VPS9D1: variants seen among roughly 807,000 people sequenced by gnomAD.
The protein encoded by VPS9D1 is VPS9 domain-containing protein 1.
VPS9D1 carries 78 observed loss-of-function variants against 75.8 expected under a neutral mutation model. That is an observed-to-expected ratio of 1.03 (90% CI 0.86 to 1.24). The LOEUF (loss-of-function observed/expected upper bound fraction) is 1.24. VPS9D1 is among the 50% of genes most tolerant of loss of function. The pLI, the probability that VPS9D1 is intolerant of heterozygous loss-of-function variation, is 0.00. For synonymous variants in VPS9D1, 481 were observed against 385.6 expected, an observed-to-expected ratio of 1.25 and a Z score of -2.90; for missense variants, 1,057 against 847.7, an observed-to-expected ratio of 1.25 and a Z score of -3.07.
At position 89,710,568 on chromosome 16, in the gene VPS9D1, GGGA is replaced by G. The variant is rs2060891969; in HGVS notation, c.1258+15_1258+17del. ...GTGAAGAGCTGCGGCGGCTCTCCCAGGGAGGGCCTGGCCTCACCTACGGCATTG... is the reference window on the plus strand; with the variant it reads ...GTGAAGAGCTGCGGCGGCTCTCCCAGGGGCCTGGCCTCACCTACGGCATTG... On this transcript the variant is annotated intron_variant, in intron 10 of 14. Coordinates refer to ENST00000389386, the MANE Select transcript of VPS9D1 (RefSeq NM_004913.3). 1 of 1,575,222 alleles carries G rather than the reference GGGA, an allele frequency of 6.3e-7. No individual in the cohort carries two copies. The highest frequency in any genetic ancestry group is 8.7e-7 in the Non-Finnish European group (1 of 1,153,776).
chr16:89,708,512 G>T lies in VPS9D1; in HGVS notation c.1717C>A (p.Pro573Thr). 1 of 1,613,076 alleles carries T rather than the reference G, an allele frequency of 6.2e-7. No homozygotes were observed. ...AAAIGADDLL[P>T]ILSFVVLRSG... is the part of the protein sequence containing the mutation. ...CTCAGCACCACGAAGGACAGGATGG[G>T]CAGCAGGTCATCGGCACCACTGTCG... is the stretch of plus-strand genomic sequence containing the variant. The change falls in exon 14 of 15, where the codon CCC becomes ACC. Residue 573 changes from proline to threonine, a missense_variant. By Grantham distance (38) the Pro-to-Thr change is conservative. Coordinates refer to ENST00000389386, the MANE Select transcript of VPS9D1 (RefSeq NM_004913.3).
chr16:89,709,227 C>G lies in VPS9D1; in HGVS notation c.1597G>C (p.Val533Leu). Residue 533 changes from valine to leucine, a missense_variant and splice_region_variant, in exon 12 of 15, where the codon GTG (valine) becomes CTG (leucine). Transcript: ENST00000389386. ...CCCCCTGACTCTCGAACCTGCTGAC[C>G]TATGCACTCCAGCTTCTTCTGGGGG... Reference protein sequence around the residue: ...SCPQKKLECIVRTLRIICVCA... With the variant: ...SCPQKKLECILRTLRIICVCA... 6.2e-7 allele frequency: 1 copy of G among 1,612,018 alleles called. No homozygotes were observed. The highest frequency in any genetic ancestry group is 8.5e-7 in the Non-Finnish European group (1 of 1,179,980).
rs1007655512 is a variant in VPS9D1, at chr16:89,708,518, G to A, written c.1711C>T (p.Leu571=). 12 of 1,612,912 alleles carry A rather than the reference G, an allele frequency of 7.4e-6. No homozygotes were observed. Among genetic ancestry groups the A allele is most frequent in the Non-Finnish European group, 1.0e-5 (12 of 1,179,862 alleles). ...ACCACGAAGGACAGGATGGGCAGCA[G>A]GTCATCGGCACCACTGTCGGGAGGG... The part of the protein sequence containing the change: ...IAAAAIGADD[L]LPILSFVVLR... Residue 571 remains leucine, a synonymous_variant, in exon 14 of 15, where the codon CTG becomes TTG. Coordinates refer to ENST00000389386, the MANE Select transcript of VPS9D1 (RefSeq NM_004913.3).
rs577605601 is a variant in VPS9D1, at chr16:89,718,096, C to G, written c.175+931G>C. The G allele has an allele frequency of 4.4e-5, 20 of 455,460 alleles. No individual in the cohort carries two copies. The Admixed American group carries it at 4.5e-4, about 10-fold the overall frequency. The allele number at this position is 455,460 out of a possible 1,614,324, so 28.2% of individuals were successfully genotyped here. A position where few individuals can be genotyped will look rare whatever the true frequency, so the allele number is the denominator to read the frequency against. ...TGTGCTCTATGTCCAGTGGCTCCCC[C>G]TGACCTCTGTGATCCTTTGTGCAGC... is the stretch of plus-strand genomic sequence containing the variant. On this transcript the variant is annotated intron_variant, in intron 2 of 14. Transcript: ENST00000389386.
Position 89,712,576 on chromosome 16 carries a change from C to T in VPS9D1, c.543+29G>A, listed in dbSNP as rs374354864. On this transcript the variant is annotated intron_variant, in intron 5 of 14. Transcript: ENST00000389386. ...CTCCCCTCTGCCCCGCGCCCACGCA[C>T]CCCCAGGCCCTCCCTAGCCCCCACT... is the stretch of plus-strand genomic sequence containing the variant. 6.0e-4 allele frequency: 965 copies of T among 1,608,240 alleles called. 11 individuals are homozygous for T. The South Asian group carries it at 8.8e-3, about 15-fold the overall frequency.
chr16:89,715,129 A>G (rs920164362), intron 4 of VPS9D1, among the ~76,000 whole-genome samples: 76 of 151,936 alleles, frequency 5.0e-4, no homozygotes, highest in Admixed American at 2.7e-3. Context: ...CTCTTCAGCT[A>G]TATCTGCTCT....
chr16:89,712,729 C>G lies in VPS9D1; in HGVS notation c.432-13G>C, dbSNP rs2060965321. The G allele has an allele frequency of 1.9e-6, 3 of 1,571,202 alleles. No homozygotes were observed. The East Asian group carries it at 6.8e-5, about 35-fold the overall frequency. On this transcript the variant is annotated splice_polypyrimidine_tract_variant and intron_variant, in intron 4 of 14. Transcript: ENST00000389386. Reference sequence around the variant, plus strand: ...TGGCGTCAGCTCTCTGGAAATGTGACAAGCTGCTGTCTAGACCCCAGGAAG... The same window carrying G: ...TGGCGTCAGCTCTCTGGAAATGTGAGAAGCTGCTGTCTAGACCCCAGGAAG...
At chr16:89,709,652 G>A in intron 11 of VPS9D1, 125 bp downstream of exon 11, 6 of 1,497,386 alleles carry the variant, frequency 4.0e-6, no homozygotes, top group South Asian at 1.2e-5. Flanking sequence ...CACAGGCTAG[G>A]GGGAGCAAAC....
At chr16:89,712,261 C>T (rs1415067195) in intron 6 of VPS9D1, 162 bp from the exon 7 acceptor site, 1 of 1,338,522 alleles carries the variant, frequency 7.5e-7, no homozygotes, top group Non-Finnish European at 1.0e-6. Context: ...GCGCTCAAGC[C>T]AGGAGGGCCG....
At chr16:89,715,124 C>T (rs2061029757) in intron 4 of VPS9D1, among the ~76,000 whole-genome samples, 1 of 152,054 alleles carries the variant, frequency 6.6e-6, no homozygotes, top group Non-Finnish European at 1.5e-5. Flanking sequence ...ATTTGCTCTT[C>T]AGCTATATCT....
Position 89,716,815 on chromosome 16 carries a change from C to T in VPS9D1, c.183G>A (p.Gly61=). The T allele has an allele frequency of 6.3e-7, 1 of 1,591,790 alleles. No homozygotes were observed. Among genetic ancestry groups the T allele is most frequent in the South Asian group, 1.1e-5 (1 of 88,284 alleles). Residue 61 remains glycine (G), a synonymous_variant, in exon 3 of 15, where the codon GGG becomes GGA. Coordinates refer to ENST00000389386, the MANE Select transcript of VPS9D1 (RefSeq NM_004913.3). ...TGGAGGTGTCGGGGGGCACAGTTTC[C>T]CCAGCTTCTGGGGGAGGGACAAGAA... ...LEEVETTKEA[G]ETVPPDTSKM... is the part of the protein sequence containing the mutation.
intron 13 of VPS9D1, 108 bp from the exon 14 acceptor site, chr16:89,708,639 T>A: frequency 1.6e-6 from 2 of 1,268,486 alleles, no homozygotes; most frequent in East Asian, 5.0e-5. Flanking sequence ...CTCTGTGCCC[T>A]TCTGCGCAGA....
chr16:89,718,377 G>T (rs1321921495), intron 2 of VPS9D1, among the ~76,000 whole-genome samples: 1 of 152,056 alleles, frequency 6.6e-6, no homozygotes, highest in Non-Finnish European at 1.5e-5. Context: ...CACCAGAACG[G>T]CCCCAGTTCC....
rs1367015344 is a variant in VPS9D1 at position 89,708,894 on chromosome 16, G to T, written c.1660C>A (p.Pro554Thr). ...GCGATGGGCGGGGGCCCGGCCTGGG[G>T]TGTGGCCTCTGGGGTGGGGCAGTAG... ...EDYCPTPEAT[P>T]QAGPPPIAAA... Residue 554 changes from proline to threonine, a missense_variant, in exon 13 of 15, where the codon CCC (proline) becomes ACC (threonine). Transcript: ENST00000389386. 2 of 1,596,518 alleles carry T rather than the reference G, an allele frequency of 1.3e-6. No homozygotes were observed. The highest frequency in any genetic ancestry group is 2.2e-5 in the East Asian group (1 of 44,706).
Position 89,711,868 on chromosome 16 carries a change from C to T in VPS9D1, c.747+14G>A, listed in dbSNP as rs1416088102. On this transcript the variant is annotated intron_variant, in intron 8 of 14. Coordinates refer to ENST00000389386, the MANE Select transcript of VPS9D1 (RefSeq NM_004913.3). ...GGGCTCCTCCTACAAAGCCTGGGCC[C>T]GTGGGGGACGCACATGGTCCTGTTC... is the stretch of plus-strand genomic sequence containing the variant. The T allele has an allele frequency of 3.2e-5, 49 of 1,549,688 alleles. No homozygotes were observed. Among genetic ancestry groups the T allele is most frequent in the East Asian group, 4.9e-5 (2 of 40,882 alleles).
intron 4 of VPS9D1, among the ~76,000 whole-genome samples, chr16:89,716,224 G>A (rs1031195072): frequency 6.6e-6 from 1 of 152,058 alleles, no homozygotes; most frequent in African/African-American, 2.4e-5. Context: ...AAATTAGCTG[G>A]GTGTGGTGGT....
chr16:89,711,206 T>C, intron 9 of VPS9D1, 121 bp downstream of exon 9: 2 of 1,224,400 alleles, frequency 1.6e-6, no homozygotes, highest in East Asian at 2.6e-5. Context: ...GGAGCTGCAG[T>C]GTCCACGTGG....
At position 89,716,482 on chromosome 16, in the gene VPS9D1, T is replaced by C; in HGVS notation, c.411A>G (p.Ala137=). 1 of 1,614,110 alleles carries C rather than the reference T, an allele frequency of 6.2e-7. No individual in the cohort carries two copies. Among genetic ancestry groups the C allele is most frequent in the Middle Eastern group, 1.7e-4 (1 of 6,056 alleles). Residue 137 remains alanine, a synonymous_variant, in exon 4 of 15, where the codon GCA becomes GCG. Transcript: ENST00000389386. Reference sequence around the variant, plus strand: ...CTTACTTCTTACAGCTTTGTGACTCTGCCCCCTGAAGCTTCTGGAAGATCT... The same window carrying C: ...CTTACTTCTTACAGCTTTGTGACTCCGCCCCCTGAAGCTTCTGGAAGATCT... ...PPEIFQKLQG[A]ESQSCKKELT...
intron 4 of VPS9D1, among the ~76,000 whole-genome samples, chr16:89,715,041 CTT>C (rs977788065): frequency 2.6e-5 from 4 of 152,112 alleles, no homozygotes; most frequent in Admixed American, 2.0e-4. Flanking sequence ...CTTTCCATCT[CTT>C]GTTTTCTGTC....
Sources: gnomAD v4.1 joint callset for allele counts (sites outside exome capture counted in the v4.1 genomes callset) on GRCh38, gnomAD v4.1.1 for gene constraint, MANE v1.5 for transcripts, NCBI Gene and HGNC (gene_info 2026-07-23, HGNC 2026-07-21) for gene names.